The following COL6A6 variants were observed in gnomAD, a reference collection of about 807,000 sequenced individuals.
COL6A6 encodes collagen alpha-6(VI) chain.
A neutral mutation model predicts 208.6 loss-of-function variants in COL6A6; 183 were observed. The ratio of observed to expected loss-of-function variants is 0.88; its 90% CI spans 0.78 to 0.99. The LOEUF is 0.99. Ranked by LOEUF, COL6A6 falls within the 50% of genes least tolerant of loss-of-function variation. The pLI, the probability that COL6A6 is intolerant of heterozygous loss-of-function variation, is 0.00. For missense variants in COL6A6, 2,816 were observed against 2,815.2 expected (o/e 1.00, Z -0.01); for synonymous variants, 973 against 1,011.8 (o/e 0.96, Z 0.73).
chr3:130,634,647 C>G (rs2065057621), intron 27 of COL6A6, 22 bp downstream of exon 27: 3 of 1,589,068 alleles, frequency 1.9e-6, no homozygotes, highest in East Asian at 2.2e-5. Context: ...TTCCTAGTAA[C>G]TAGAGATCAG....
Position 130,566,891 on chromosome 3 carries a change from A to G in COL6A6, c.1472A>G (p.Asn491Ser), listed in dbSNP as rs765475073. The G allele has an allele frequency of 3.1e-6, 5 of 1,614,012 alleles. No homozygotes were observed. In the Admixed American group the frequency reaches 5.0e-5, roughly 16 times the overall value. Residue 491 changes from asparagine to serine, a missense_variant, in exon 5 of 37, where the codon AAT becomes AGT. Transcript: ENST00000358511. Reference sequence around the variant, plus strand: ...AGCTGGGACTTGGAATTTGAGATCAATAAATACTCCAACAAGCAGGATTTG... The same window carrying G: ...AGCTGGGACTTGGAATTTGAGATCAGTAAATACTCCAACAAGCAGGATTTG... ...ADSWDLEFEI[N>S]KYSNKQDLGK... is the part of the protein sequence containing the mutation.
rs1399930209 is a variant in COL6A6 at position 130,571,009 on chromosome 3, G to A, written c.2593G>A (p.Asp865Asn). Residue 865 changes from aspartate to asparagine, a missense_variant, in exon 7 of 37, where the codon GAC becomes AAC. Coordinates refer to ENST00000358511, the MANE Select transcript of COL6A6 (RefSeq NM_001102608.3). Reference sequence around the variant, plus strand: ...CCCAGAGGTGCTGTTTTATCTGGATGACTTTGGCACAAAACTGGAGGTAAT... The same window carrying A: ...CCCAGAGGTGCTGTTTTATCTGGATAACTTTGGCACAAAACTGGAGGTAAT... ...DDPEVLFYLD[D>N]FGTKLEVISV... 2 of 1,613,994 alleles carry A rather than the reference G, an allele frequency of 1.2e-6. No homozygotes were observed. The highest frequency in any genetic ancestry group is 8.5e-7 in the Non-Finnish European group (1 of 1,179,882).
intron 23 of COL6A6, among the ~76,000 whole-genome samples, chr3:130,617,512 C>G (rs1314242165): frequency 1.3e-5 from 2 of 152,100 alleles, no homozygotes; most frequent in Non-Finnish European, 2.9e-5. Flanking sequence ...ACAAATGGCT[C>G]AATATGGTTG....
intron 24 of COL6A6, among the ~76,000 whole-genome samples, chr3:130,626,089 A>T (rs1437132051): frequency 6.6e-6 from 1 of 152,226 alleles, no homozygotes; most frequent in Admixed American, 6.5e-5. Context: ...TTGCCAGGAT[A>T]TCATGCTCCC....
At chr3:130,635,113 T>C (rs1444705876) in intron 27 of COL6A6, among the ~76,000 whole-genome samples, 2 of 152,070 alleles carry the variant, frequency 1.3e-5, no homozygotes, top group Non-Finnish European at 2.9e-5. Flanking sequence ...TGCATGCCTG[T>C]AGTCCCAGCT....
At chr3:130,665,433 C>T (rs1369062323) in intron 36 of COL6A6, among the ~76,000 whole-genome samples, 2 of 152,030 alleles carry the variant, frequency 1.3e-5, no homozygotes, top group Non-Finnish European at 2.9e-5. Flanking sequence ...AGAGAAAGTC[C>T]TAATTCTAGA....
intron 26 of COL6A6, among the ~76,000 whole-genome samples, chr3:130,629,065 G>T (rs1469037251): frequency 7.2e-5 from 4 of 55,402 alleles, no homozygotes; most frequent in Non-Finnish European, 1.1e-4. Flanking sequence ...TTGACGAGCT[G>T]AGAGAAGAAG....
intron 36 of COL6A6, among the ~76,000 whole-genome samples, chr3:130,674,417 T>A (rs6787123): frequency 7.8e-4 from 119 of 152,138 alleles, no homozygotes; most frequent in African/African-American, 1.8e-3. Context: ...CAACCTGTCC[T>A]GCAAGCCCTT....
rs114237367 is a variant in COL6A6, at chr3:130,553,288, G to A, written c.-31-7046G>A. On this transcript the variant is annotated intron_variant, in intron 1 of 36. Transcript: ENST00000358511. ...CTTTCTCTTTCAGGAATGCCAATGA[G>A]TCATAGATTGGTCTCTGTACATAAT... is the stretch of plus-strand genomic sequence containing the variant. Among the ~76,000 whole-genome samples the A allele has an allele frequency of 3.9e-3, 592 of 152,304 alleles. 6 individuals carry two copies. The highest frequency in any genetic ancestry group is 0.014 in the African/African-American group (563 of 41,572).
At chr3:130,671,928 T>C (rs2066227652) in intron 36 of COL6A6, among the ~76,000 whole-genome samples, 1 of 152,240 alleles carries the variant, frequency 6.6e-6, no homozygotes, top group Admixed American at 6.5e-5. Flanking sequence ...GGGAAGAACC[T>C]GTGCCAGACT....
At chr3:130,546,074 A>C (rs889734616) in intron 1 of COL6A6, among the ~76,000 whole-genome samples, 1 of 152,138 alleles carries the variant, frequency 6.6e-6, no homozygotes, top group African/African-American at 2.4e-5. Context: ...TCAATCTCAG[A>C]CATTCATTCC....
At chr3:130,529,381 T>C (rs1424615919) in intron 1 of COL6A6, among the ~76,000 whole-genome samples, 1 of 151,916 alleles carries the variant, frequency 6.6e-6, no homozygotes, top group Non-Finnish European at 1.5e-5. Context: ...AGTGGAAATG[T>C]TCACTCTGAA....
chr3:130,585,530 G>A (rs2063518841), intron 10 of COL6A6, among the ~76,000 whole-genome samples: 1 of 152,152 alleles, frequency 6.6e-6, no homozygotes, highest in South Asian at 2.1e-4. Flanking sequence ...CCACCATAAT[G>A]ACTGTCAGAT....
At chr3:130,582,479 T>C (rs1436201962) in intron 10 of COL6A6, among the ~76,000 whole-genome samples, 1 of 152,184 alleles carries the variant, frequency 6.6e-6, no homozygotes, top group Non-Finnish European at 1.5e-5. Flanking sequence ...TTCCCAGAGT[T>C]GCAAGCATTT....
At chr3:130,522,997 T>G (rs183273181) in intron 1 of COL6A6, among the ~76,000 whole-genome samples, 43 of 151,920 alleles carry the variant, frequency 2.8e-4, no homozygotes, top group African/African-American at 1.0e-3. Flanking sequence ...CTGGTTAAAA[T>G]GCTCCAATGG....
chr3:130,574,512 A>G lies in COL6A6; in HGVS notation c.3534A>G (p.Thr1178=). The G allele has an allele frequency of 1.2e-6, 2 of 1,613,118 alleles. No individual in the cohort carries two copies. The highest frequency in any genetic ancestry group is 2.2e-5 in the South Asian group (2 of 91,056). Reference sequence around the variant, plus strand: ...GGATCGTTCGCAACATCTGTACCACAGCGGGTGAAAGCAGTAAGTATTTAG... The same window carrying G: ...GGATCGTTCGCAACATCTGTACCACGGCGGGTGAAAGCAGTAAGTATTTAG... ...NKRIVRNICT[T]AGESNCFVDV... The change falls in exon 8 of 37, where the codon ACA becomes ACG. Residue 1178 remains threonine, a synonymous_variant. Transcript: ENST00000358511.
At chr3:130,564,808 C>T (rs569815644) in intron 3 of COL6A6, among the ~76,000 whole-genome samples, 186 bp from the exon 4 acceptor site, 20 of 152,254 alleles carry the variant, frequency 1.3e-4, no homozygotes, top group African/African-American at 4.3e-4. Flanking sequence ...AAATTGAAGC[C>T]GGGAGTTTAG....
chr3:130,523,914 G>A (rs9870791), intron 1 of COL6A6, among the ~76,000 whole-genome samples: 51,582 of 151,990 alleles, frequency 0.34, 11,201 homozygotes, highest in African/African-American at 0.62. Context: ...CATTCCCTGG[G>A]TTAATGCCAT....
chr3:130,658,985 A>G (rs1485655825), intron 34 of COL6A6, among the ~76,000 whole-genome samples: 1 of 152,186 alleles, frequency 6.6e-6, no homozygotes, highest in Non-Finnish European at 1.5e-5. Context: ...CCAGCAAAAG[A>G]GTTGCATTCC....
Sources: allele counts gnomAD v4.1 joint callset (sites outside exome capture counted in the v4.1 genomes callset), GRCh38; gene constraint gnomAD v4.1.1; transcripts MANE v1.5; gene names NCBI Gene and HGNC (gene_info 2026-07-23, HGNC 2026-07-21).